The following HK1 variants were observed in gnomAD, a reference collection of about 807,000 sequenced individuals.
The protein encoded by HK1 is hexokinase-1.
HK1 carries 28 observed loss-of-function variants against 91.6 expected under a neutral mutation model. The ratio of observed to expected loss-of-function variants is 0.31; its 90% CI spans 0.23 to 0.42. The LOEUF is 0.42. HK1 is among the 10% of genes least tolerant of loss of function. HK1 has a pLI of 1.00. For missense variants in HK1, 770 were observed against 1,219.8 expected, an observed-to-expected ratio of 0.63 and a Z score of 5.49; for synonymous variants, 430 against 468.1, an observed-to-expected ratio of 0.92 and a Z score of 1.05.
chr10:69,300,439 A>C lies in HK1; in HGVS notation c.-66-330A>C, dbSNP rs58899362. On this transcript the variant is annotated intron_variant, in intron 4 of 21. Transcript: ENST00000360289. ...ATATGTATAACATCTCTAGAAAAAG[A>C]ATCCCAGGATTTTCCTTCCTGTGTG... 4,967 of 792,612 alleles carry C rather than the reference A, an allele frequency of 6.3e-3. 317 individuals are homozygous for C. In the African/African-American group the frequency reaches 0.077, roughly 12 times the overall value. 49.1% of individuals were successfully genotyped at this position (792,612 alleles called of 1,614,324 possible).
At position 69,369,218 on chromosome 10, in the gene HK1, C is replaced by A. The variant is rs1025824304; in HGVS notation, c.592-19C>A. 6 of 1,581,614 alleles carry A rather than the reference C, an allele frequency of 3.8e-6. No homozygotes were observed. Among genetic ancestry groups the A allele is most frequent in the Middle Eastern group, 1.7e-4 (1 of 5,998 alleles). On this transcript the variant is annotated intron_variant, in intron 5 of 17. Coordinates refer to ENST00000359426, the MANE Select transcript of HK1 (RefSeq NM_000188.3). The surrounding 1 kb of genome is among the most constrained non-coding windows in gnomAD (Gnocchi z 4.4). Reference sequence around the variant, plus strand: ...TCCCATGTGTGAGTGGACAATGACACCCCGTTATCTGTCCCCAGGACTATG... The same window carrying A: ...TCCCATGTGTGAGTGGACAATGACAACCCGTTATCTGTCCCCAGGACTATG...
chr10:69,328,268 G>C (rs1224402859), intron 1 of HK1, among the ~76,000 whole-genome samples: 1 of 152,166 alleles, frequency 6.6e-6, no homozygotes, highest in Non-Finnish European at 1.5e-5. Context: ...GTCCCTGTGC[G>C]AGGCAGAAAA....
intron 1 of HK1, among the ~76,000 whole-genome samples, chr10:69,336,924 C>T (rs1277237959): frequency 1.3e-5 from 2 of 152,086 alleles, no homozygotes; most frequent in East Asian, 1.9e-4. Context: ...GGATTACAAG[C>T]GTGAGCCACC....
intron 9 of HK1, 138 bp from the exon 10 acceptor site, chr10:69,382,349 T>G: frequency 1.1e-6 from 1 of 908,392 alleles, no homozygotes; most frequent in Non-Finnish European, 1.8e-6. Context: ...CACTCCAGCC[T>G]GGGTGACAGA....
intron 8 of HK1, among the ~76,000 whole-genome samples, chr10:69,378,684 T>C (rs1484069161): frequency 6.6e-6 from 1 of 152,190 alleles, no homozygotes; most frequent in Non-Finnish European, 1.5e-5. Flanking sequence ...CCTCCCAAAG[T>C]GCTGGGATTA....
intron 1 of HK1, among the ~76,000 whole-genome samples, chr10:69,277,525 G>A (rs1369971134): frequency 6.6e-6 from 1 of 152,114 alleles, no homozygotes; most frequent in Non-Finnish European, 1.5e-5. Context: ...CCATGATCAT[G>A]CCACTGCACT....
chr10:69,324,957 T>C (rs951931161), intron 1 of HK1, among the ~76,000 whole-genome samples: 1 of 152,170 alleles, frequency 6.6e-6, no homozygotes, highest in African/African-American at 2.4e-5. Flanking sequence ...GAAATAACAT[T>C]GACTTCTGGT....
chr10:69,302,591 A>G (rs1845928961), intron 5 of HK1, among the ~76,000 whole-genome samples: 1 of 151,898 alleles, frequency 6.6e-6, no homozygotes, highest in African/African-American at 2.4e-5. Flanking sequence ...GTCTCTACAA[A>G]AAGTAATTTT....
At position 69,309,765 on chromosome 10, in the gene HK1, G is replaced by A. The variant is rs182088603; in HGVS notation, c.27+8904G>A. ...GCAGTGAGTTCAGATTGCACCACTC[G>A]GCCAGGCGAGGTGGCTCACTCCTGT... On this transcript the variant is annotated intron_variant, in intron 5 of 21. Transcript: ENST00000360289. Among the ~76,000 whole-genome samples the A allele has an allele frequency of 3.4e-3, 493 of 146,902 alleles. 3 individuals are homozygous for A. The highest frequency in any genetic ancestry group is 5.6e-3 in the Admixed American group (82 of 14,610).
intron 1 of HK1, among the ~76,000 whole-genome samples, chr10:69,340,677 G>A (rs1848242623): frequency 6.6e-6 from 1 of 152,186 alleles, no homozygotes; most frequent in Non-Finnish European, 1.5e-5. Context: ...ACAGGCATGA[G>A]CCACTGTGCC....
chr10:69,315,699 T>G, upstream of HK1: 1 of 548,322 alleles, frequency 1.8e-6, no homozygotes, highest in South Asian at 1.9e-5. Context: ...GGAAGCTGTC[T>G]GATTGGGGCA....
At chr10:69,317,890 A>C (rs1846731952), upstream of HK1, among the ~76,000 whole-genome samples, 1 of 152,360 alleles carries the variant, frequency 6.6e-6, no homozygotes, top group South Asian at 2.1e-4. Flanking sequence ...TAAGAATCCT[A>C]AAGTGGCTGT....
chr10:69,281,701 G>A (rs1170263719), intron 1 of HK1, among the ~76,000 whole-genome samples: 1 of 152,180 alleles, frequency 6.6e-6, no homozygotes, highest in Non-Finnish European at 1.5e-5. Context: ...TATACGAATA[G>A]TAGGAAAAAA....
intron 4 of HK1, among the ~76,000 whole-genome samples, chr10:69,299,355 G>T (rs1030284548): frequency 3.0e-5 from 4 of 134,680 alleles, no homozygotes; most frequent in Non-Finnish European, 6.5e-5. Flanking sequence ...GTTTGTTTGT[G>T]GTTTTTGTTT....
chr10:69,298,819 C>T (rs1248395045), intron 4 of HK1, among the ~76,000 whole-genome samples: 1 of 151,934 alleles, frequency 6.6e-6, no homozygotes, highest in African/African-American at 2.4e-5. Context: ...TATTTAAATT[C>T]TGGCTTTACA....
intron 7 of HK1, among the ~76,000 whole-genome samples, chr10:69,375,271 C>T (rs914906356): frequency 6.6e-6 from 1 of 152,322 alleles, no homozygotes; most frequent in South Asian, 2.1e-4. Flanking sequence ...ACTATCTGAC[C>T]TATATTAACC....
chr10:69,275,018 A>G (rs144664995), intron 1 of HK1, among the ~76,000 whole-genome samples: 68 of 152,184 alleles, frequency 4.5e-4, no homozygotes, highest in African/African-American at 1.6e-3. Flanking sequence ...ATTCCATTAG[A>G]TTTCCAGCCT....
chr10:69,342,198 G>C (rs903573711), intron 1 of HK1, among the ~76,000 whole-genome samples: 2 of 120,978 alleles, frequency 1.7e-5, no homozygotes, highest in African/African-American at 3.1e-5. Flanking sequence ...AACAAACAAA[G>C]GAAAAAACAC....
In HK1 at chr10:69,377,023, G is replaced by A. The variant is rs755341899; in HGVS notation, c.965G>A (p.Gly322Glu). 1 of 1,614,178 alleles carries A rather than the reference G, an allele frequency of 6.2e-7. No homozygotes were observed. The highest frequency in any genetic ancestry group is 1.1e-5 in the South Asian group (1 of 91,076). ...KMAKEGLLFE[G>E]RITPELLTRG... is the part of the protein sequence containing the mutation. ...GCCAAGGAGGGCCTCTTATTTGAAGGGCGGATCACCCCGGAGCTGCTCACC... is the reference window on the plus strand; with the variant it reads ...GCCAAGGAGGGCCTCTTATTTGAAGAGCGGATCACCCCGGAGCTGCTCACC... The change falls in exon 8 of 18, where the codon GGG becomes GAG. Residue 322 changes from glycine to glutamate, a missense_variant. Gly to Glu is a moderately conservative substitution (Grantham distance 98). Coordinates refer to ENST00000359426, the MANE Select transcript of HK1 (RefSeq NM_000188.3).
Sources: gnomAD v4.1 joint callset for allele counts (sites outside exome capture counted in the v4.1 genomes callset) on GRCh38, gnomAD v4.1.1 for gene constraint, Gnocchi (gnomAD v3.1) non-coding constraint, MANE v1.5 for transcripts, NCBI Gene and HGNC (gene_info 2026-07-23, HGNC 2026-07-21) for gene names.